Variants in ALPL observed in about 807,000 individuals in gnomAD.
The protein encoded by ALPL is alkaline phosphatase, tissue-nonspecific isozyme.
In ALPL, 42 loss-of-function variants were observed where a neutral mutation model predicts 51.3. The observed-to-expected ratio is 0.82, with a 90% CI of 0.64 to 1.06. The LOEUF is 1.06. Among genes scored for constraint, ALPL ranks in the 50% least tolerant of loss-of-function variants. The pLI is 0.00. For synonymous variants in ALPL, 279 were observed against 296.4 expected (o/e 0.94, Z 0.60); for missense variants, 589 against 709.4 (o/e 0.83, Z 1.93).
In ALPL at chr1:21,568,114, G is replaced by T. The variant is rs1644592603; in HGVS notation, c.659G>T (p.Gly220Val). ...TCCTGTCTCTTTTAGGTGATCATGG[G>T]GGGTGGCCGGAAATACATGTACCCC... ...HNIRDIDVIM[G>V]GGRKYMYPKN... Residue 220 changes from glycine to valine, a missense_variant, in exon 7 of 12, where the codon GGG becomes GTG. Transcript: ENST00000374840. 1 of 1,614,112 alleles carries T rather than the reference G, an allele frequency of 6.2e-7. No individual in the cohort carries two copies. Among genetic ancestry groups the T allele is most frequent in the Admixed American group, 1.7e-5 (1 of 60,018 alleles).
rs554995396 is a variant in ALPL, at chr1:21,565,799, T to C, written c.648+1583T>C. Among the ~76,000 whole-genome samples the C allele has an allele frequency of 4.0e-5, 6 of 148,920 alleles. No homozygotes were observed. The South Asian group carries it at 1.3e-3, about 32-fold the overall frequency. ...ACTGTACATGAAACAAAAATCCTGG[T>C]GTCCACCCTGAAAATAAATACTGTT... On this transcript the variant is annotated intron_variant, in intron 6 of 11. Coordinates refer to ENST00000374840, the MANE Select transcript of ALPL (RefSeq NM_000478.6).
At chr1:21,546,455 C>T (rs992083023) in intron 1 of ALPL, among the ~76,000 whole-genome samples, 1 of 152,202 alleles carries the variant, frequency 6.6e-6, no homozygotes, top group Non-Finnish European at 1.5e-5. Context: ...CTTGACCTCT[C>T]TGGGCCGTTT....
Position 21,553,503 on chromosome 1 carries a change from G to A in ALPL, c.-104-475G>A, listed in dbSNP as rs114640330. On this transcript the variant is annotated intron_variant, in intron 1 of 11. Coordinates refer to ENST00000374840, the MANE Select transcript of ALPL (RefSeq NM_000478.6). ...ATTAAAAGGCTGAAGACCGAGTGCTGTAGAACAGGGCTTCTCAAGGTGTGG... is the reference window on the plus strand; with the variant it reads ...ATTAAAAGGCTGAAGACCGAGTGCTATAGAACAGGGCTTCTCAAGGTGTGG... 9.9e-3 allele frequency among the ~76,000 whole-genome samples: 1,510 copies of A among 152,314 alleles called. 32 individuals carry two copies. Among genetic ancestry groups the A allele is most frequent in the African/African-American group, 0.034 (1,412 of 41,562 alleles).
At chr1:21,536,409 T>C (rs1188074906) in intron 1 of ALPL, among the ~76,000 whole-genome samples, 1 of 152,182 alleles carries the variant, frequency 6.6e-6, no homozygotes. Context: ...GAGGTCAGAC[T>C]CTGTGTTCCA....
Position 21,509,942 on chromosome 1 carries a change from C to T in ALPL, c.-105+425C>T, listed in dbSNP as rs564348296. Among the ~76,000 whole-genome samples, 5 of 152,348 alleles carry T rather than the reference C, an allele frequency of 3.3e-5. No individual in the cohort carries two copies. Among genetic ancestry groups the T allele is most frequent in the African/African-American group, 1.2e-4 (5 of 41,594 alleles). On this transcript the variant is annotated intron_variant, in intron 1 of 11. Transcript: ENST00000374840. The surrounding 1 kb of genome is among the most constrained non-coding windows in gnomAD (Gnocchi z 6.0). Reference sequence around the variant, plus strand: ...GCTCTAGAGACCTGGGCTGCCAACCCCAAGGCCTCGTGGCCTGGCGCCCTC... The same window carrying T: ...GCTCTAGAGACCTGGGCTGCCAACCTCAAGGCCTCGTGGCCTGGCGCCCTC...
chr1:21,554,873 CTCTCTTTCTTTCTT>C lies in ALPL; in HGVS notation c.61+733_61+746del, dbSNP rs1558544142. 4.6e-3 allele frequency among the ~76,000 whole-genome samples: 482 copies of C among 105,796 alleles called. 2 individuals are homozygous for C. Among genetic ancestry groups the C allele is most frequent in the Admixed American group, 5.9e-3 (53 of 8,924 alleles). The allele number at this position is 105,796 out of a possible 152,430, so 69.4% of individuals were successfully genotyped here. A position where few individuals can be genotyped will look rare whatever the true frequency, so the allele number is the denominator to read the frequency against. On this transcript the variant is annotated intron_variant, in intron 2 of 11. Coordinates refer to ENST00000374840, the MANE Select transcript of ALPL (RefSeq NM_000478.6). The stretch of plus-strand genomic sequence containing the variant: ...TCTTTCTTTCTTTCTTTCTTTCTTT[CTCTCTTTCTTTCTT>C]TTTCTTTCTTTCTTTCTTTCTCTTT...
intron 1 of ALPL, among the ~76,000 whole-genome samples, chr1:21,510,185 G>C (rs1440098910): frequency 6.6e-6 from 1 of 152,222 alleles, no homozygotes; most frequent in African/African-American, 2.4e-5. Context: ...GGCTTTGCGA[G>C]GTGGGCCTCC....
At chr1:21,533,931 AAAAAAAG>A (rs1345462892) in intron 1 of ALPL, among the ~76,000 whole-genome samples, 2 of 99,310 alleles carry the variant, frequency 2.0e-5, no homozygotes, top group Non-Finnish European at 4.1e-5. Context: ...TCTCAAAAAA[AAAAAAAG>A]AAGAAGAAGA....
intron 1 of ALPL, among the ~76,000 whole-genome samples, chr1:21,513,365 T>C (rs1400740890): frequency 6.6e-6 from 1 of 152,202 alleles, no homozygotes; most frequent in Non-Finnish European, 1.5e-5. Flanking sequence ...CAGTATATTC[T>C]TAGCATATCT....
chr1:21,574,199 G>A (rs1644693868), intron 9 of ALPL: 1 of 985,470 alleles, frequency 1.0e-6, no homozygotes, highest in Non-Finnish European at 1.2e-6. Flanking sequence ...CCGGCCAGGG[G>A]CCTTGCAGAC....
chr1:21,561,178 A>T lies in ALPL; in HGVS notation c.263A>T (p.Glu88Val). Residue 88 changes from glutamate to valine, a missense_variant, in exon 4 of 12, where the codon GAG becomes GTG. Physicochemically the swap from Glu to Val is moderately radical, Grantham distance 121. Transcript: ENST00000374840. Reference sequence around the variant, plus strand: ...AACCCTGGGGAGGAGACCAGGCTGGAGATGGACAAGTTCCCCTTCGTGGCC... The same window carrying T: ...AACCCTGGGGAGGAGACCAGGCTGGTGATGGACAAGTTCCCCTTCGTGGCC... ...HHNPGEETRL[E>V]MDKFPFVALS... 6.2e-7 allele frequency: 1 copy of T among 1,613,360 alleles called. No individual in the cohort carries two copies. The highest frequency in any genetic ancestry group is 1.3e-5 in the African/African-American group (1 of 75,008).
chr1:21,517,738 C>T (rs565384449), intron 1 of ALPL, among the ~76,000 whole-genome samples: 8 of 152,218 alleles, frequency 5.3e-5, no homozygotes, highest in East Asian at 1.9e-4. Flanking sequence ...CTCCCTACCA[C>T]GCATGGTTTA....
At position 21,560,868 on chromosome 1, in the gene ALPL, A is replaced by G. The variant is rs2148151552; in HGVS notation, c.181+123A>G. 5.3e-6 allele frequency: 7 copies of G among 1,326,784 alleles called. No homozygotes were observed. The South Asian group carries it at 7.7e-5, about 15-fold the overall frequency. The allele number at this position is 1,326,784 out of a possible 1,614,324, so 82.2% of individuals were successfully genotyped here. A position where few individuals can be genotyped will look rare whatever the true frequency, so the allele number is the denominator to read the frequency against. ...GGGCTCTGGAGGAAGGGTGTTTAAA[A>G]GGATGAGGGGCCAGGCTGTGGATTC... On this transcript the variant is annotated intron_variant, in intron 3 of 11. Transcript: ENST00000374840.
intron 2 of ALPL, among the ~76,000 whole-genome samples, chr1:21,559,728 CA>C (rs1203240429): frequency 6.6e-6 from 1 of 152,166 alleles, no homozygotes; most frequent in Non-Finnish European, 1.5e-5. Context: ...CCGTGTTGCC[CA>C]AGTTGGTCGC....
At chr1:21,522,233 A>T (rs1428071732) in intron 1 of ALPL, among the ~76,000 whole-genome samples, 1 of 151,994 alleles carries the variant, frequency 6.6e-6, no homozygotes, top group Non-Finnish European at 1.5e-5. Context: ...CACCACGCCC[A>T]GCTAATTTTT....
At chr1:21,540,902 G>A (rs1644175340) in intron 1 of ALPL, among the ~76,000 whole-genome samples, 1 of 152,210 alleles carries the variant, frequency 6.6e-6, no homozygotes, top group Non-Finnish European at 1.5e-5. Context: ...TTCTTCCCAA[G>A]TGAGTGTGTG....
At chr1:21,573,324 C>T (rs1241788970) in intron 8 of ALPL, among the ~76,000 whole-genome samples, 1 of 151,782 alleles carries the variant, frequency 6.6e-6, no homozygotes, top group Non-Finnish European at 1.5e-5. Context: ...GTAATCCCAG[C>T]TATTCAGGAG....
chr1:21,577,702 G>A lies in ALPL; in HGVS notation c.*54G>A, dbSNP rs1352242195. The A allele has an allele frequency of 6.4e-6, 10 of 1,563,136 alleles. 1 individual carries two copies. The highest frequency in any genetic ancestry group is 1.4e-5 in the African/African-American group (1 of 73,736). ...CGTGACAGATGCCAACTTCCCACAC[G>A]GCAGCCCCCCCCTCAAGGGGCAGGG... On this transcript the variant is annotated 3_prime_UTR_variant, in exon 12 of 12. Transcript: ENST00000374840.
Position 21,564,053 on chromosome 1 carries a change from G to T in ALPL, c.485G>T (p.Gly162Val), listed in dbSNP as rs121918012. The change falls in exon 6 of 12, where the codon GGC (glycine) becomes GTC (valine). Residue 162 changes from glycine to valine, a missense_variant. Physicochemically the swap from Gly to Val is moderately radical, Grantham distance 109. Transcript: ENST00000374840. The surrounding 1 kb of genome is among the most constrained non-coding windows in gnomAD (Gnocchi z 5.8). Reference protein sequence around the residue: ...RWAKDAGKSVGIVTTTRVNHA... With the variant: ...RWAKDAGKSVVIVTTTRVNHA... The stretch of plus-strand genomic sequence containing the variant: ...TCCTGCACCCCAGGGAAATCTGTGG[G>T]CATTGTGACCACCACGAGAGTGAAC... The T allele has an allele frequency of 3.1e-6, 5 of 1,613,916 alleles. No individual in the cohort carries two copies. Among genetic ancestry groups the T allele is most frequent in the Non-Finnish European group, 3.4e-6 (4 of 1,179,980 alleles).
Sources: gnomAD v4.1 joint callset for allele counts (sites outside exome capture counted in the v4.1 genomes callset) on GRCh38, gnomAD v4.1.1 for gene constraint, Gnocchi (gnomAD v3.1) non-coding constraint, MANE v1.5 for transcripts, NCBI Gene and HGNC (gene_info 2026-07-23, HGNC 2026-07-21) for gene names.